DDX19B: variants seen among roughly 807,000 people sequenced by gnomAD.
The protein encoded by DDX19B is ATP-dependent RNA helicase DDX19B.
Under a neutral mutation model 58.1 loss-of-function variants are expected in DDX19B, and 27 were observed. The observed-to-expected ratio is 0.46, with a 90% confidence interval of 0.34 to 0.64. The LOEUF (loss-of-function observed/expected upper bound fraction) is 0.64. Ranked by LOEUF, DDX19B falls within the 30% of genes least tolerant of loss-of-function variation. The pLI, the probability that DDX19B is intolerant of heterozygous loss-of-function variation, is 0.01. For missense variants in DDX19B, 399 were observed against 596.5 expected, an observed-to-expected ratio of 0.67 and a Z score of 3.45; for synonymous variants, 187 against 214.4, an observed-to-expected ratio of 0.87 and a Z score of 1.12.
At position 70,331,894 on chromosome 16, in the gene DDX19B, G is replaced by A. The variant is rs868114094; in HGVS notation, c.1186+10G>A. On this transcript the variant is annotated intron_variant, in intron 10 of 11. Coordinates refer to ENST00000288071, the MANE Select transcript of DDX19B (RefSeq NM_007242.7). ...AACGTGTGTGCCCGCGGTGAGCAGA[G>A]GACGTGTCCCACCTGGTCTGCCAGG... 1 of 1,612,154 alleles carries A rather than the reference G, an allele frequency of 6.2e-7. No homozygotes were observed.
intron 1 of DDX19B, among the ~76,000 whole-genome samples, chr16:70,304,291 G>A (rs985014864): frequency 2.0e-5 from 3 of 149,974 alleles, no homozygotes; most frequent in Non-Finnish European, 4.4e-5. Context: ...TGCCCGCCTC[G>A]GCCTCCCAAA....
chr16:70,304,882 C>T (rs1961678380), intron 1 of DDX19B, among the ~76,000 whole-genome samples: 1 of 151,252 alleles, frequency 6.6e-6, no homozygotes, highest in South Asian at 2.1e-4. Flanking sequence ...CTTTACTGTT[C>T]CTTTTTTACA....
intron 1 of DDX19B, among the ~76,000 whole-genome samples, chr16:70,307,101 TTTTA>T (rs1961794605): frequency 6.6e-6 from 1 of 152,212 alleles, no homozygotes; most frequent in African/African-American, 2.4e-5. Context: ...ATATACCACA[TTTTA>T]TTTATCCACT....
At chr16:70,298,707 G>T (rs909713571), upstream of DDX19B, among the ~76,000 whole-genome samples, 6 of 152,018 alleles carry the variant, frequency 3.9e-5, no homozygotes, top group African/African-American at 1.4e-4. Context: ...TAGGAGAGCT[G>T]CAATTCCTCC....
Position 70,300,788 on chromosome 16 carries a change from C to A in DDX19B, c.57+1434C>A, listed in dbSNP as rs548122504. Among the ~76,000 whole-genome samples the A allele has an allele frequency of 1.4e-3, 206 of 152,308 alleles. 2 individuals are homozygous for A. Among genetic ancestry groups the A allele is most frequent in the African/African-American group, 4.8e-3 (198 of 41,572 alleles). ...CAAGCCATCCTCCCACCTCGGCCTC[C>A]CAAAGTGTTGGGATTATAGGCCTGA... On this transcript the variant is annotated intron_variant, in intron 1 of 11. Coordinates refer to ENST00000288071, the MANE Select transcript of DDX19B (RefSeq NM_007242.7).
At chr16:70,309,817 C>CAAAAAAAAAAAAAA (rs61033553) in intron 1 of DDX19B, among the ~76,000 whole-genome samples, 2 of 42,630 alleles carry the variant, frequency 4.7e-5, no homozygotes, top group African/African-American at 1.3e-4. Context: ...GACTCCGTCT[C>CAAAAAAAAAAAAAA]AAAAAAAAAA....
At chr16:70,325,458 A>G in intron 6 of DDX19B, 116 bp from the exon 7 acceptor site, 2 of 698,890 alleles carry the variant, frequency 2.9e-6, no homozygotes, top group Non-Finnish European at 5.1e-6. Flanking sequence ...GTACATTTTA[A>G]TGTACATATT....
chr16:70,317,597 C>T lies in DDX19B; in HGVS notation c.389+9C>T. 1 of 1,595,772 alleles carries T rather than the reference C, an allele frequency of 6.3e-7. No homozygotes were observed. The highest frequency in any genetic ancestry group is 8.6e-7 in the Non-Finnish European group (1 of 1,168,148). ...CTGATGCTTGCTGAGCCGTATGTGT[C>T]CTATTACAACTCCATTTCATTTTAG... On this transcript the variant is annotated intron_variant, in intron 5 of 11. Coordinates refer to ENST00000288071, the MANE Select transcript of DDX19B (RefSeq NM_007242.7).
Position 70,324,678 on chromosome 16 carries a change from AT to A in DDX19B, c.484del (p.Tyr162ThrfsTer20). 1 of 1,612,526 alleles carries A rather than the reference AT, an allele frequency of 6.2e-7. No homozygotes were observed. Among genetic ancestry groups the A allele is most frequent in the Non-Finnish European group, 8.5e-7 (1 of 1,179,616 alleles). ...MLSQVEPANKYPQCLCLSPTY... is the reference protein window; with the variant it reads ...MLSQVEPANKXPQCLCLSPTY... ...TTAGCCAAGTAGAACCTGCAAACAA[AT>A]ACCCCCAGGTAAGGATTTATGAATT... On this transcript the variant is annotated frameshift_variant, in exon 6 of 12. Transcript: ENST00000288071. LOFTEE classifies it high-confidence loss of function.
chr16:70,329,357 T>G lies in DDX19B; in HGVS notation c.673T>G (p.Cys225Gly), dbSNP rs746102042. ...CACCCCTGGGACTGTGCTGGACTGG[T>G]GCTCCAAGCTCAAGTTCATTGATCC... ...IGTPGTVLDW[C>G]SKLKFIDPKK... Residue 225 changes from cysteine (C) to glycine (G), a missense_variant, in exon 8 of 12, where the codon TGC becomes GGC. Physicochemically the swap from Cys to Gly is radical, Grantham distance 159. Transcript: ENST00000288071. The G allele has an allele frequency of 6.2e-7, 1 of 1,613,984 alleles. No homozygotes were observed. Among genetic ancestry groups the G allele is most frequent in the Non-Finnish European group, 8.5e-7 (1 of 1,179,998 alleles).
chr16:70,302,253 G>A (rs547747330), intron 1 of DDX19B, among the ~76,000 whole-genome samples: 119 of 152,232 alleles, frequency 7.8e-4, no homozygotes, highest in African/African-American at 2.8e-3. Context: ...TCAGGTTTAT[G>A]GAGGTATAAT....
intron 1 of DDX19B, among the ~76,000 whole-genome samples, chr16:70,312,144 A>G (rs964133408): frequency 2.0e-4 from 30 of 152,158 alleles, no homozygotes; most frequent in African/African-American, 5.8e-4. Flanking sequence ...CTGGCTTTAC[A>G]GATGCTTTTC....
At chr16:70,332,028 T>C (rs1597505893) in intron 10 of DDX19B, 144 bp downstream of exon 10, 15 of 1,294,956 alleles carry the variant, frequency 1.2e-5, no homozygotes, top group Non-Finnish European at 1.5e-5. Flanking sequence ...TAGGAGAGAC[T>C]GTTTGGATTT....
At chr16:70,306,094 T>G (rs938923764) in intron 1 of DDX19B, among the ~76,000 whole-genome samples, 1 of 151,390 alleles carries the variant, frequency 6.6e-6, no homozygotes, top group African/African-American at 2.4e-5. Flanking sequence ...CTGAGAGTTT[T>G]GACTATTTTA....
upstream of DDX19B, among the ~76,000 whole-genome samples, chr16:70,291,736 G>T (rs548821620): frequency 6.6e-6 from 1 of 151,458 alleles, no homozygotes; most frequent in African/African-American, 2.4e-5. Context: ...GCGTGAACCC[G>T]GGAGGCGGAG....
chr16:70,330,940 G>A (rs779894687), intron 9 of DDX19B, among the ~76,000 whole-genome samples: 12 of 152,086 alleles, frequency 7.9e-5, no homozygotes, highest in Non-Finnish European at 1.8e-4. Flanking sequence ...AGCTGCTTGG[G>A]AGGCTCAGAT....
chr16:70,307,071 A>C (rs781413583), intron 1 of DDX19B, among the ~76,000 whole-genome samples: 24 of 152,346 alleles, frequency 1.6e-4, no homozygotes, highest in South Asian at 8.3e-4. Context: ...ATTGTTGCCA[A>C]ATAATATTCC....
At chr16:70,293,825 A>G (rs1473831858), upstream of DDX19B, among the ~76,000 whole-genome samples, 2 of 149,556 alleles carry the variant, frequency 1.3e-5, no homozygotes, top group Non-Finnish European at 3.0e-5. Context: ...GTTAGCCAGG[A>G]TGGTCTCGAT....
At chr16:70,299,799 T>C (rs1016978667) in intron 1 of DDX19B, among the ~76,000 whole-genome samples, 1 of 152,206 alleles carries the variant, frequency 6.6e-6, no homozygotes, top group African/African-American at 2.4e-5. Context: ...TTAGGTGTCA[T>C]TCTCCACCTC....
Sources: allele counts gnomAD v4.1 joint callset (sites outside exome capture counted in the v4.1 genomes callset), GRCh38; gene constraint gnomAD v4.1.1; transcripts MANE v1.5; gene names NCBI Gene and HGNC (gene_info 2026-07-23, HGNC 2026-07-21).